Variants in ITPRID1 observed in about 807,000 individuals in gnomAD.
ITPRID1 encodes the protein ITPR interacting domain containing 1, also known as protein ITPRID1.
Under a neutral mutation model 95.4 loss-of-function variants are expected in ITPRID1, and 96 were observed. That is an observed-to-expected ratio of 1.01 (90% CI 0.85 to 1.19). ITPRID1 has a LOEUF of 1.19. Ranked by LOEUF, ITPRID1 falls within the 50% of genes most tolerant of loss-of-function variation. The pLI, the probability that ITPRID1 is intolerant of heterozygous loss-of-function variation, is 0.00. For synonymous variants in ITPRID1, 510 were observed against 453.6 expected (o/e 1.12, Z -1.58); for missense variants, 1,339 against 1,252.9 (o/e 1.07, Z -1.04).
intron 8 of ITPRID1, among the ~76,000 whole-genome samples, chr7:31,577,405 C>T (rs1785223669): frequency 6.6e-6 from 1 of 152,200 alleles, no homozygotes; most frequent in Non-Finnish European, 1.5e-5. Flanking sequence ...ATGCCATGAT[C>T]TTTCCACACT....
intron 10 of ITPRID1, among the ~76,000 whole-genome samples, chr7:31,622,387 C>T (rs1189404719): frequency 4.6e-5 from 7 of 152,046 alleles, no homozygotes; most frequent in South Asian, 2.1e-4. Flanking sequence ...TGTAAAAGAA[C>T]AGAAATCATA....
At chr7:31,603,912 TCTC>T in intron 10 of ITPRID1, among the ~76,000 whole-genome samples, 1 of 152,336 alleles carries the variant, frequency 6.6e-6, no homozygotes, top group South Asian at 2.1e-4. Context: ...TCTTCTGTCA[TCTC>T]CTCCAGGAAC....
chr7:31,542,584 C>CAGACA (rs1783968430), intron 1 of ITPRID1, among the ~76,000 whole-genome samples: 1 of 152,122 alleles, frequency 6.6e-6, no homozygotes, highest in Non-Finnish European at 1.5e-5. Flanking sequence ...GTGGACTAGA[C>CAGACA]TGCCTAAGGC....
rs1274943522 is a variant in ITPRID1 at position 31,553,152 on chromosome 7, A to C, written c.128A>C (p.Glu43Ala). ...PLDEWLPPDP[E>A]EESQSLTIPM... is the part of the protein sequence containing the mutation. ...GATGAGTGGCTGCCCCCTGACCCTG[A>C]GGAGGAAAGCCAGAGTCTCACCATC... The change falls in exon 3 of 15, where the codon GAG becomes GCG. Residue 43 changes from glutamate to alanine, a missense_variant. Glu to Ala is a moderately radical substitution (Grantham distance 107). Coordinates refer to ENST00000615280, the MANE Select transcript of ITPRID1 (RefSeq NM_001257967.3). The C allele has an allele frequency of 6.3e-7, 1 of 1,589,602 alleles. No homozygotes were observed. Among genetic ancestry groups the C allele is most frequent in the Admixed American group, 1.8e-5 (1 of 56,998 alleles).
intron 10 of ITPRID1, among the ~76,000 whole-genome samples, chr7:31,599,864 T>G (rs994009543): frequency 2.0e-5 from 3 of 151,356 alleles, no homozygotes; most frequent in South Asian, 2.1e-4. Flanking sequence ...CCCGGCTAAG[T>G]TTTTTTTGTA....
At chr7:31,515,110 T>G (rs1022141009) in intron 1 of ITPRID1, among the ~76,000 whole-genome samples, 7 of 151,982 alleles carry the variant, frequency 4.6e-5, no homozygotes, top group Non-Finnish European at 7.4e-5. Context: ...ACCATTTTCC[T>G]AACTCCTCTA....
intron 5 of ITPRID1, among the ~76,000 whole-genome samples, chr7:31,561,513 A>G (rs1351102612): frequency 6.6e-6 from 1 of 152,222 alleles, no homozygotes; most frequent in Non-Finnish European, 1.5e-5. Flanking sequence ...TTTAGCTATG[A>G]CAGATGCCTT....
At position 31,653,437 on chromosome 7, in the gene ITPRID1, G is replaced by C. The variant is rs565281022; in HGVS notation, c.*608G>C. The C allele has an allele frequency of 6.5e-6, 1 of 153,362 alleles. No homozygotes were observed. Among genetic ancestry groups the C allele is most frequent in the Non-Finnish European group, 1.5e-5 (1 of 68,778 alleles). 9.5% of individuals were successfully genotyped at this position (153,362 alleles called of 1,614,324 possible). A position where few individuals can be genotyped will look rare whatever the true frequency, so the allele number is the denominator to read the frequency against. Reference sequence around the variant, plus strand: ...AAACATAGGGCAGAGGAAGCAATCAGATATGCATTTGTCTCGGGGGAGCAG... The same window carrying C: ...AAACATAGGGCAGAGGAAGCAATCACATATGCATTTGTCTCGGGGGAGCAG... On this transcript the variant is annotated 3_prime_UTR_variant, in exon 15 of 15. Coordinates refer to ENST00000615280, the MANE Select transcript of ITPRID1 (RefSeq NM_001257967.3).
intron 10 of ITPRID1, among the ~76,000 whole-genome samples, chr7:31,612,479 T>G (rs1031622184): frequency 1.3e-5 from 2 of 152,154 alleles, no homozygotes; most frequent in Non-Finnish European, 2.9e-5. Flanking sequence ...CTCTTGAACT[T>G]AGATATACTC....
At chr7:31,549,286 C>T (rs1029378792) in intron 1 of ITPRID1, 140 bp from the exon 2 acceptor site, 11 of 502,686 alleles carry the variant, frequency 2.2e-5, no homozygotes, top group Middle Eastern at 2.9e-4. Flanking sequence ...TATTCTCACT[C>T]TCCCAAAAAC....
At chr7:31,521,620 C>CTTCCT (rs1384409665) in intron 1 of ITPRID1, among the ~76,000 whole-genome samples, 3 of 69,728 alleles carry the variant, frequency 4.3e-5, no homozygotes, top group Non-Finnish European at 6.0e-5. Context: ...TCTCCTTTCC[C>CTTCCT]TCCTTCCTTC....
intron 6 of ITPRID1, among the ~76,000 whole-genome samples, chr7:31,571,030 T>TC (rs1784969059): frequency 6.6e-6 from 1 of 150,540 alleles, no homozygotes. Flanking sequence ...ATTGTTTTTT[T>TC]TTGTTTGTTT....
chr7:31,552,957 G>A (rs763661037), intron 2 of ITPRID1, 45 bp from the exon 3 acceptor site: 33 of 1,543,192 alleles, frequency 2.1e-5, no homozygotes, highest in Non-Finnish European at 2.6e-5. Flanking sequence ...AAGCCCAGAA[G>A]CTGAACTCAT....
chr7:31,565,581 C>CA (rs764430169), intron 5 of ITPRID1, among the ~76,000 whole-genome samples: 7 of 151,984 alleles, frequency 4.6e-5, no homozygotes, highest in Non-Finnish European at 8.8e-5. Flanking sequence ...ACTAAAAATA[C>CA]AAAAAAATTA....
chr7:31,599,765 G>A (rs1011857864), intron 10 of ITPRID1, among the ~76,000 whole-genome samples: 14 of 149,758 alleles, frequency 9.3e-5, no homozygotes, highest in African/African-American at 3.2e-4. Context: ...GCAGTGGCGC[G>A]ATCTCAGCTC....
intron 1 of ITPRID1, among the ~76,000 whole-genome samples, chr7:31,539,372 A>G (rs1395490772): frequency 1.3e-5 from 2 of 152,020 alleles, no homozygotes; most frequent in Non-Finnish European, 2.9e-5. Context: ...TTTTGTAGAG[A>G]TGAGGTTTCA....
At chr7:31,622,904 T>A (rs1788056183) in intron 10 of ITPRID1, among the ~76,000 whole-genome samples, 3 of 151,828 alleles carry the variant, frequency 2.0e-5, no homozygotes, top group Admixed American at 2.0e-4. Flanking sequence ...ATAGACACAA[T>A]AAAAAATGAT....
Position 31,653,312 on chromosome 7 carries a change from T to C in ITPRID1, c.*483T>C, listed in dbSNP as rs554028365. On this transcript the variant is annotated 3_prime_UTR_variant, in exon 15 of 15. Coordinates refer to ENST00000615280, the MANE Select transcript of ITPRID1 (RefSeq NM_001257967.3). ...ATAGGAGGCAAACAGTTGCATTTTT[T>C]TGAGTCTGATCAGCTTTTCTCATGA... is the stretch of plus-strand genomic sequence containing the variant. 1 of 159,110 alleles carries C rather than the reference T, an allele frequency of 6.3e-6. No homozygotes were observed. Among genetic ancestry groups the C allele is most frequent in the African/African-American group, 2.4e-5 (1 of 41,632 alleles). The allele number at this position is 159,110 out of a possible 1,614,324, so 9.9% of individuals were successfully genotyped here.
At chr7:31,567,426 G>A (rs1784837059) in intron 5 of ITPRID1, among the ~76,000 whole-genome samples, 2 of 152,106 alleles carry the variant, frequency 1.3e-5, no homozygotes, top group South Asian at 4.1e-4. Flanking sequence ...CAATCAGTTG[G>A]TAGTGGTTTT....
Sources: gnomAD v4.1 joint callset for allele counts (sites outside exome capture counted in the v4.1 genomes callset) on GRCh38, gnomAD v4.1.1 for gene constraint, MANE v1.5 for transcripts, NCBI Gene and HGNC (gene_info 2026-07-23, HGNC 2026-07-21) for gene names.